The following MYO18B variants were observed in gnomAD, a reference collection of about 807,000 sequenced individuals.
MYO18B encodes myosin XVIIIB, also known as unconventional myosin-XVIIIb.
A neutral mutation model predicts 273.0 loss-of-function variants in MYO18B; 204 were observed. That is an observed-to-expected ratio of 0.75 (90% CI 0.67 to 0.84). MYO18B has a LOEUF of 0.84. Among genes scored for constraint, MYO18B ranks in the 40% least tolerant of loss-of-function variants. MYO18B has a pLI of 0.00. For synonymous variants in MYO18B, 1,330 were observed against 1,305.7 expected, an observed-to-expected ratio of 1.02 and a Z score of -0.40; for missense variants, 3,212 against 3,287.6, an observed-to-expected ratio of 0.98 and a Z score of 0.56.
At position 25,777,811 on chromosome 22, in the gene MYO18B, T is replaced by TCCC. The variant is rs2086975286; in HGVS notation, c.2068+30_2068+31insCCC. Reference sequence around the variant, plus strand: ...GGTGGTCTCTAGGTGACATGGAGAGTTGGGGTCAGCACGGGGAGAGTTGGA... The same window carrying TCCC: ...GGTGGTCTCTAGGTGACATGGAGAGTCCCTGGGGTCAGCACGGGGAGAGTTGGA... On this transcript the variant is annotated intron_variant, in intron 8 of 43. Coordinates refer to ENST00000335473, the MANE Select transcript of MYO18B (RefSeq NM_032608.7). The TCCC allele has an allele frequency of 8.4e-6, 13 of 1,552,316 alleles. No homozygotes were observed. The East Asian group carries it at 3.0e-4, about 36-fold the overall frequency.
intron 7 of MYO18B, among the ~76,000 whole-genome samples, chr22:25,776,735 G>A (rs186919203): frequency 2.0e-5 from 3 of 152,300 alleles, no homozygotes; most frequent in Non-Finnish European, 2.9e-5. Context: ...GACATAGAGG[G>A]GTTTTTTGTG....
chr22:25,805,295 G>A (rs1342354975), intron 12 of MYO18B, among the ~76,000 whole-genome samples: 1 of 152,200 alleles, frequency 6.6e-6, no homozygotes, highest in South Asian at 2.1e-4. Context: ...GGCTGCACCC[G>A]AGCTTGGACT....
At chr22:25,984,374 A>G (rs1247747470) in intron 39 of MYO18B, among the ~76,000 whole-genome samples, 3 of 152,182 alleles carry the variant, frequency 2.0e-5, no homozygotes, top group African/African-American at 7.2e-5. Context: ...CTTCAGCTTC[A>G]CTCGGATCCA....
chr22:25,937,582 AT>A (rs11311348), intron 34 of MYO18B, among the ~76,000 whole-genome samples: 50,430 of 144,068 alleles, frequency 0.35, 9,005 homozygotes, highest in African/African-American at 0.45. Flanking sequence ...CTGGCCTGAC[AT>A]TCTTTTTTTT....
the MYO18B span, among the ~76,000 whole-genome samples, chr22:26,063,338 A>C: frequency 6.6e-6 from 1 of 152,200 alleles, no homozygotes; most frequent in Admixed American, 6.5e-5. Context: ...AACAATGAAA[A>C]TATTACCTCG....
downstream of MYO18B, among the ~76,000 whole-genome samples, chr22:26,034,590 C>CAGG (rs1936743178): frequency 6.6e-6 from 1 of 152,218 alleles, no homozygotes; most frequent in African/African-American, 2.4e-5. Context: ...ATGGCTGTGC[C>CAGG]CTGCTATGGC....
At chr22:25,860,887 AT>A (rs695541) in intron 21 of MYO18B, among the ~76,000 whole-genome samples, 1,885 of 142,510 alleles carry the variant, frequency 0.013, 14 homozygotes, top group African/African-American at 0.024. Flanking sequence ...TATCATTGCT[AT>A]TTTTTTTTTT....
chr22:25,874,227 C>T lies in MYO18B; in HGVS notation c.3952-59C>T. 2.5e-6 allele frequency: 4 copies of T among 1,604,022 alleles called. No individual in the cohort carries two copies. In the Admixed American group the frequency reaches 6.7e-5, roughly 27 times the overall value. Reference sequence around the variant, plus strand: ...AGTGGGGTCTGATTTGCAAGCACCCCCCCATTGTAGACAGCCTTCTTCAGC... The same window carrying T: ...AGTGGGGTCTGATTTGCAAGCACCCTCCCATTGTAGACAGCCTTCTTCAGC... On this transcript the variant is annotated intron_variant, in intron 22 of 43. Coordinates refer to ENST00000335473, the MANE Select transcript of MYO18B (RefSeq NM_032608.7).
downstream of MYO18B, among the ~76,000 whole-genome samples, chr22:26,034,946 T>C (rs1031263791): frequency 3.3e-5 from 5 of 152,178 alleles, no homozygotes; most frequent in Non-Finnish European, 7.4e-5. Flanking sequence ...AAGAATGGGA[T>C]AGGCAAAGGC....
Position 26,027,131 on chromosome 22 carries a change from G to T in MYO18B, c.7157G>T (p.Cys2386Phe), listed in dbSNP as rs754267663. The T allele has an allele frequency of 3.1e-6, 5 of 1,613,930 alleles. No individual in the cohort carries two copies. The highest frequency in any genetic ancestry group is 3.3e-5 in the Admixed American group (2 of 60,010). ...CCCACACTGCGTCCTCGGAGGCGGT[G>T]TCTGGAGTCCTCTGTGGACGATGCG... ...LSPTLRPRRR[C>F]LESSVDDAGC... Residue 2386 changes from cysteine to phenylalanine, a missense_variant, in exon 43 of 44, where the codon TGT (cysteine) becomes TTT (phenylalanine). Transcript: ENST00000335473. The surrounding 1 kb of genome is among the most constrained non-coding windows in gnomAD (Gnocchi z 4.1).
chr22:25,874,208 G>C (rs2091126709), intron 22 of MYO18B, 78 bp from the exon 23 acceptor site: 2 of 1,560,876 alleles, frequency 1.3e-6, no homozygotes, highest in South Asian at 2.3e-5. Context: ...GAGAAGTGGG[G>C]TCTGATTTGC....
chr22:25,949,367 T>C (rs2092765324), intron 36 of MYO18B, among the ~76,000 whole-genome samples: 1 of 152,050 alleles, frequency 6.6e-6, no homozygotes, highest in Non-Finnish European at 1.5e-5. Flanking sequence ...AGTGGATGGA[T>C]GGGCTTGGGA....
intron 21 of MYO18B, among the ~76,000 whole-genome samples, chr22:25,863,133 AC>A (rs1385912969): frequency 6.6e-6 from 1 of 152,178 alleles, no homozygotes; most frequent in African/African-American, 2.4e-5. Flanking sequence ...CAGTTAATTT[AC>A]TTTTCAAATG....
chr22:26,044,769 C>T, the MYO18B span, among the ~76,000 whole-genome samples: 1 of 152,182 alleles, frequency 6.6e-6, no homozygotes, highest in Non-Finnish European at 1.5e-5. Context: ...CAACTGTAGC[C>T]AGGAAGGACT....
chr22:25,871,277 C>T (rs1204721267), intron 22 of MYO18B, among the ~76,000 whole-genome samples: 1 of 152,148 alleles, frequency 6.6e-6, no homozygotes, highest in Non-Finnish European at 1.5e-5. Flanking sequence ...AAAATGGGGC[C>T]ATTACTTTCT....
intron 34 of MYO18B, among the ~76,000 whole-genome samples, chr22:25,922,401 C>T (rs1439681175): frequency 6.6e-6 from 1 of 152,000 alleles, no homozygotes; most frequent in African/African-American, 2.4e-5. Context: ...TGAATGGATC[C>T]CACAGGGTGG....
At chr22:25,991,369 G>A (rs910600632) in intron 39 of MYO18B, among the ~76,000 whole-genome samples, 2 of 152,222 alleles carry the variant, frequency 1.3e-5, no homozygotes, top group African/African-American at 2.4e-5. Context: ...GTGCCTTGTA[G>A]GATGTTGAAC....
chr22:25,843,731 C>A lies in MYO18B; in HGVS notation c.3209-4C>A. 1 of 1,610,480 alleles carries A rather than the reference C, an allele frequency of 6.2e-7. No individual in the cohort carries two copies. The highest frequency in any genetic ancestry group is 8.5e-7 in the Non-Finnish European group (1 of 1,177,202). ...AGCACTCATGCCACCATGTCTGTTT[C>A]CAGGGTCCTCTGCCCTGCGGACCTG... is the stretch of plus-strand genomic sequence containing the variant. On this transcript the variant is annotated splice_polypyrimidine_tract_variant and splice_region_variant and intron_variant, in intron 17 of 43. Coordinates refer to ENST00000335473, the MANE Select transcript of MYO18B (RefSeq NM_032608.7).
the MYO18B span, among the ~76,000 whole-genome samples, chr22:26,044,785 G>A: frequency 6.6e-6 from 1 of 152,354 alleles, no homozygotes; most frequent in South Asian, 2.1e-4. Flanking sequence ...GGACTTCAGA[G>A]AGGAAGAGGG....
Sources: gnomAD v4.1 joint callset for allele counts (sites outside exome capture counted in the v4.1 genomes callset) on GRCh38, gnomAD v4.1.1 for gene constraint, Gnocchi (gnomAD v3.1) non-coding constraint, MANE v1.5 for transcripts, NCBI Gene and HGNC (gene_info 2026-07-23, HGNC 2026-07-21) for gene names.